Variants in CHN2 observed in about 807,000 individuals in gnomAD.
The protein encoded by CHN2 is beta-chimaerin.
A neutral mutation model predicts 56.3 loss-of-function variants in CHN2; 35 were observed. That is an observed-to-expected ratio of 0.62 (90% CI 0.47 to 0.82). The LOEUF (loss-of-function observed/expected upper bound fraction) is 0.82. Ranked by LOEUF, CHN2 falls within the 40% of genes least tolerant of loss-of-function variation. The probability of loss-of-function intolerance (pLI) is 0.00; values close to 1 mark genes in which losing one functional copy is unlikely to be tolerated. For missense variants in CHN2, 491 were observed against 580.5 expected (o/e 0.85, Z 1.58); for synonymous variants, 210 against 212.8 (o/e 0.99, Z 0.12).
chr7:29,199,605 A>G (rs556217665), intron 1 of CHN2: 2 of 152,314 alleles, frequency 1.3e-5, no homozygotes, highest in African/African-American at 4.8e-5. Context: ...GAAATTATTT[A>G]CTCAGATGAG....
chr7:29,148,086 A>G (rs952628959), intron 2 of CHN2, among the ~76,000 whole-genome samples: 6 of 152,226 alleles, frequency 3.9e-5, no homozygotes, highest in African/African-American at 1.4e-4. Flanking sequence ...CACCAGAGTC[A>G]GCAATGTTCG....
intron 6 of CHN2, among the ~76,000 whole-genome samples, chr7:29,413,758 T>C (rs1381989501): frequency 6.6e-6 from 1 of 152,206 alleles, no homozygotes; most frequent in Non-Finnish European, 1.5e-5. Flanking sequence ...CAGGCTGTAC[T>C]TTCCACTGGA....
chr7:29,351,778 G>A (rs938315815), intron 1 of CHN2, among the ~76,000 whole-genome samples: 1 of 152,220 alleles, frequency 6.6e-6, no homozygotes, highest in East Asian at 1.9e-4. Flanking sequence ...GAGTCAGAGA[G>A]GCGGGCAGGC....
At chr7:29,478,519 T>C (rs1176053263) in intron 6 of CHN2, among the ~76,000 whole-genome samples, 1 of 152,160 alleles carries the variant, frequency 6.6e-6, no homozygotes, top group Admixed American at 6.5e-5. Context: ...TCAGGACTGA[T>C]GGCAGGATGA....
At chr7:29,499,012 G>A (rs1008050429) in intron 8 of CHN2, among the ~76,000 whole-genome samples, 5 of 151,892 alleles carry the variant, frequency 3.3e-5, no homozygotes, top group South Asian at 2.1e-4. Flanking sequence ...CACCTGCCTC[G>A]GCCTCCCAAA....
intron 2 of CHN2, among the ~76,000 whole-genome samples, chr7:29,363,356 G>A (rs143416440): frequency 1.3e-5 from 2 of 152,172 alleles, no homozygotes; most frequent in African/African-American, 2.4e-5. Flanking sequence ...ATGGTGATGC[G>A]TGCCTGTAGT....
intron 6 of CHN2, among the ~76,000 whole-genome samples, chr7:29,447,978 C>T (rs534704842): frequency 2.6e-5 from 4 of 152,234 alleles, no homozygotes; most frequent in South Asian, 2.1e-4. Flanking sequence ...CCCAAGCATC[C>T]GTATTTTTAA....
At chr7:29,236,238 T>C (rs528407921) in intron 1 of CHN2, among the ~76,000 whole-genome samples, 1 of 152,338 alleles carries the variant, frequency 6.6e-6, no homozygotes, top group South Asian at 2.1e-4. Flanking sequence ...AAAGGCATGA[T>C]AAGTGTATAC....
At chr7:29,173,343 T>C (rs1796860810) in intron 2 of CHN2, among the ~76,000 whole-genome samples, 1 of 152,064 alleles carries the variant, frequency 6.6e-6, no homozygotes, top group African/African-American at 2.4e-5. Flanking sequence ...TGCAGCCATA[T>C]AATTTATCCT....
intron 1 of CHN2, among the ~76,000 whole-genome samples, chr7:29,235,668 A>G (rs536537653): frequency 2.6e-5 from 4 of 152,354 alleles, no homozygotes; most frequent in East Asian, 1.9e-4. Context: ...TGGATAAAGA[A>G]AATGTAGTAC....
intron 1 of CHN2, among the ~76,000 whole-genome samples, chr7:29,263,940 C>G (rs1239565737): frequency 6.7e-6 from 1 of 148,592 alleles, no homozygotes; most frequent in Non-Finnish European, 1.5e-5. Flanking sequence ...GGGGGCAGCC[C>G]CCGCCCGGCC....
At chr7:29,419,184 G>C (rs1348858139) in intron 6 of CHN2, among the ~76,000 whole-genome samples, 2 of 152,258 alleles carry the variant, frequency 1.3e-5, no homozygotes, top group Admixed American at 6.5e-5. Flanking sequence ...TAGTTAGATA[G>C]TTAGAAATAA....
chr7:29,250,641 A>T (rs117378686), intron 1 of CHN2, among the ~76,000 whole-genome samples: 3,265 of 151,934 alleles, frequency 0.021, 55 homozygotes, highest in Non-Finnish European at 0.036. Context: ...CTACTTGTTG[A>T]TGTGTAATAA....
intron 11 of CHN2, among the ~76,000 whole-genome samples, chr7:29,507,874 A>C (rs191737670): frequency 7.9e-5 from 12 of 152,340 alleles, no homozygotes; most frequent in Admixed American, 2.6e-4. Context: ...GTGCTGGGCC[A>C]TGTTCAAAGC....
At chr7:29,451,593 C>A (rs887746427) in intron 6 of CHN2, among the ~76,000 whole-genome samples, 6 of 151,888 alleles carry the variant, frequency 4.0e-5, no homozygotes, top group African/African-American at 1.5e-4. Flanking sequence ...CAATATATTA[C>A]GTTTTAAAAT....
intron 1 of CHN2, chr7:29,335,672 A>G (rs1277612812): frequency 1.3e-5 from 2 of 152,246 alleles, no homozygotes; most frequent in Non-Finnish European, 2.9e-5. Context: ...AAGGAGACTT[A>G]CAATAAACTC....
intron 2 of CHN2, among the ~76,000 whole-genome samples, chr7:29,176,595 C>G (rs1223328815): frequency 6.6e-6 from 1 of 152,014 alleles, no homozygotes; most frequent in South Asian, 2.1e-4. Context: ...TACTAAGACA[C>G]CCTTACAAAG....
chr7:29,507,663 GA>G (rs1181734902), intron 11 of CHN2, among the ~76,000 whole-genome samples: 1 of 151,726 alleles, frequency 6.6e-6, no homozygotes, highest in Non-Finnish European at 1.5e-5. Context: ...TTCTGTAGCA[GA>G]AAAAAAAGTC....
intron 8 of CHN2, among the ~76,000 whole-genome samples, chr7:29,496,525 A>T (rs1161305676): frequency 6.6e-6 from 1 of 152,166 alleles, no homozygotes; most frequent in East Asian, 1.9e-4. Flanking sequence ...TTAAAAAAAA[A>T]AAAAGACACA....
Sources: gnomAD v4.1 joint callset for allele counts (sites outside exome capture counted in the v4.1 genomes callset) on GRCh38, gnomAD v4.1.1 for gene constraint, MANE v1.5 for transcripts, NCBI Gene and HGNC (gene_info 2026-07-23, HGNC 2026-07-21) for gene names.